Variants in LAMA5 observed in about 807,000 individuals in gnomAD.
LAMA5 encodes the protein laminin subunit alpha-5.
In LAMA5, 260 loss-of-function variants were observed where a neutral mutation model predicts 433.4. The observed-to-expected ratio is 0.60, with a 90% confidence interval of 0.54 to 0.66. LAMA5 has a LOEUF of 0.66. Among genes scored for constraint, LAMA5 ranks in the 30% least tolerant of loss-of-function variants. The probability of loss-of-function intolerance (pLI) is 0.00; values close to 1 mark genes in which losing one functional copy is unlikely to be tolerated. For missense variants in LAMA5, 5,378 were observed against 5,258.5 expected (o/e 1.02, Z -0.70); for synonymous variants, 2,620 against 2,226.6 (o/e 1.18, Z -4.97).
rs1986627903 is a variant in LAMA5, at chr20:62,313,975, G to C, written c.8505-173C>G. 3.2e-4 allele frequency among the ~76,000 whole-genome samples: 2 copies of C among 6,214 alleles called. 1 individual carries two copies. Among genetic ancestry groups the C allele is most frequent in the Non-Finnish European group, 1.4e-3 (2 of 1,382 alleles). 4.1% of individuals were successfully genotyped at this position (6,214 alleles called of 152,430 possible). On this transcript the variant is annotated intron_variant, in intron 62 of 79. Transcript: ENST00000252999. ...GAGAGACGGGTGGCGAGTGGGCACA[G>C]AGACGGGTGGCGAGTGGGCACAGAG...
At chr20:62,332,800 A>AC (rs1159213842) in intron 26 of LAMA5, 83 bp from the exon 27 acceptor site, 2 of 1,501,390 alleles carry the variant, frequency 1.3e-6, no homozygotes, top group Non-Finnish European at 1.8e-6. Context: ...CGCCTCCCTG[A>AC]CCCCAGGGCC....
At chr20:62,327,157 C>CA in intron 38 of LAMA5, 76 bp downstream of exon 38, 2 of 1,376,218 alleles carry the variant, frequency 1.5e-6, no homozygotes, top group Non-Finnish European at 1.9e-6. Context: ...GGACAGACCC[C>CA]GCTCCTGGCT....
Position 62,320,613 on chromosome 20 carries a change from C to A in LAMA5, c.6705G>T (p.Val2235=). The part of the protein sequence containing the change: ...PRHETAQQLE[V]LEQQSTSLGQ... ...CGAGGCTTGTGCTCTGCTGCTCCAGCACCTCCAGCTGCTGTGCCGTCTCAT... is the reference window on the plus strand; with the variant it reads ...CGAGGCTTGTGCTCTGCTGCTCCAGAACCTCCAGCTGCTGTGCCGTCTCAT... Residue 2235 remains valine (V), a synonymous_variant, in exon 50 of 80, where the codon GTG becomes GTT. Coordinates refer to ENST00000252999, the MANE Select transcript of LAMA5 (RefSeq NM_005560.6). 1 of 1,608,454 alleles carries A rather than the reference C, an allele frequency of 6.2e-7. No homozygotes were observed. Among genetic ancestry groups the A allele is most frequent in the Non-Finnish European group, 8.5e-7 (1 of 1,179,046 alleles).
rs768055114 is a variant in LAMA5, at chr20:62,312,877, C to T, written c.9078+11G>A. On this transcript the variant is annotated intron_variant, in intron 66 of 79. Transcript: ENST00000252999. Reference sequence around the variant, plus strand: ...CTCTCCCTGCCACCCTGGTCCCCACCCTGGCCCTACCGCCTTGCTGGCCGA... The same window carrying T: ...CTCTCCCTGCCACCCTGGTCCCCACTCTGGCCCTACCGCCTTGCTGGCCGA... 6.3e-7 allele frequency: 1 copy of T among 1,593,630 alleles called. No homozygotes were observed. Among genetic ancestry groups the T allele is most frequent in the Non-Finnish European group, 8.6e-7 (1 of 1,169,120 alleles).
In LAMA5 at chr20:62,325,345, G is replaced by C. The variant is rs200148340; in HGVS notation, c.5500C>G (p.Pro1834Ala). ...CATGAGTCCCCCCGGTAGCTGGCGG[G>C]GCACAGGCACAGCTCCACATTGCTG... ...LASNVELCLC[P>A]ASYRGDSCQE... Residue 1834 changes from proline (P) to alanine (A), a missense_variant, in exon 41 of 80, where the codon CCC (proline) becomes GCC (alanine). By Grantham distance (27) the Pro-to-Ala change is conservative (BLOSUM62 -1). Coordinates refer to ENST00000252999, the MANE Select transcript of LAMA5 (RefSeq NM_005560.6). 3.8e-6 allele frequency: 6 copies of C among 1,597,282 alleles called. No individual in the cohort carries two copies. In the South Asian group the frequency reaches 6.7e-5, roughly 18 times the overall value.
Position 62,335,202 on chromosome 20 carries a change from G to C in LAMA5, c.2376+15C>G, listed in dbSNP as rs764275291. On this transcript the variant is annotated intron_variant, in intron 19 of 79. Transcript: ENST00000252999. Reference sequence around the variant, plus strand: ...TGTGCCCCCAAATCCCCCACACCTTGGTCCTCAGACTCACCGGCTGGCACT... The same window carrying C: ...TGTGCCCCCAAATCCCCCACACCTTCGTCCTCAGACTCACCGGCTGGCACT... 6.2e-7 allele frequency: 1 copy of C among 1,612,718 alleles called. No homozygotes were observed. The highest frequency in any genetic ancestry group is 1.1e-5 in the South Asian group (1 of 91,054).
In LAMA5 at chr20:62,310,665, CG is replaced by C; in HGVS notation, c.10445del (p.Pro3482ArgfsTer2). The C allele has an allele frequency of 1.2e-6, 2 of 1,602,384 alleles. No individual in the cohort carries two copies. The highest frequency in any genetic ancestry group is 1.7e-6 in the Non-Finnish European group (2 of 1,178,186). ...LPASSHSSKL[P>X]VTVGFSGCVK... Reference sequence around the variant, plus strand: ...GGGGCTGGGGCAAGATGGTTCTCACCGGAAGTTTGGAGCTGTGGCTGCTGGC... The same window carrying C: ...GGGGCTGGGGCAAGATGGTTCTCACCGAAGTTTGGAGCTGTGGCTGCTGGC... On this transcript the variant is annotated frameshift_variant and splice_region_variant, in exon 75 of 80. Coordinates refer to ENST00000252999, the MANE Select transcript of LAMA5 (RefSeq NM_005560.6). LOFTEE classifies it high-confidence loss of function.
chr20:62,318,323 G>GA, intron 53 of LAMA5, 131 bp downstream of exon 53: 3 of 459,242 alleles, frequency 6.5e-6, no homozygotes, highest in Non-Finnish European at 7.6e-6. Flanking sequence ...GAGGAGGGGG[G>GA]GAGGACGAGG....
At chr20:62,319,338 G>A (rs1987402538) in intron 51 of LAMA5, among the ~76,000 whole-genome samples, 1 of 152,064 alleles carries the variant, frequency 6.6e-6, no homozygotes, top group Non-Finnish European at 1.5e-5. Context: ...CCGACCCCCA[G>A]GCTGGGCTGG....
intron 1 of LAMA5, 138 bp downstream of exon 1, chr20:62,366,808 CCTT>C: frequency 8.7e-7 from 1 of 1,150,964 alleles, no homozygotes; most frequent in Non-Finnish European, 1.1e-6. Context: ...GGTCGGGGTG[CCTT>C]CTTGGGCCCC....
Position 62,330,932 on chromosome 20 carries a change from C to A in LAMA5, c.3663G>T (p.Leu1221=). The change falls in exon 30 of 80, where the codon CTG becomes CTT. Residue 1221 remains leucine, a synonymous_variant. Coordinates refer to ENST00000252999, the MANE Select transcript of LAMA5 (RefSeq NM_005560.6). ...GAFGPNSAAC[L]PSRFPKPPQP... The stretch of plus-strand genomic sequence containing the variant: ...GGGGCGGCTTTGGGAAGCGCGAGGG[C>A]AGACAGGCGGCACTGGTGAGAGCAC... 1 of 1,551,732 alleles carries A rather than the reference C, an allele frequency of 6.4e-7. No individual in the cohort carries two copies. Among genetic ancestry groups the A allele is most frequent in the Non-Finnish European group, 8.7e-7 (1 of 1,147,846 alleles).
chr20:62,327,243 A>G lies in LAMA5; in HGVS notation c.5102T>C (p.Leu1701Pro). 1 of 1,514,632 alleles carries G rather than the reference A, an allele frequency of 6.6e-7. No homozygotes were observed. Among genetic ancestry groups the G allele is most frequent in the Non-Finnish European group, 8.8e-7 (1 of 1,134,492 alleles). 93.8% of individuals were successfully genotyped at this position (1,514,632 alleles called of 1,614,324 possible). Residue 1701 changes from leucine to proline, a missense_variant, in exon 38 of 80, where the codon CTG becomes CCG. Transcript: ENST00000252999. ...ELYWQAPPSYLGDRVSSYGGT... is the reference protein window; with the variant it reads ...ELYWQAPPSYPGDRVSSYGGT... ...TGATGCCCTGCTTACCCGGTCCCCC[A>G]GGTAGGAGGGTGGGGCCTGCCAGTA... is the stretch of plus-strand genomic sequence containing the variant.
rs773212052 is a variant in LAMA5 at position 62,314,420 on chromosome 20, A to C, written c.8388T>G (p.Gly2796=). ...GCACCTTCTTGTCACGCAGAGACAC[A>C]CCCATGTAGTCCCCAGTGGCCTGCG... The part of the protein sequence containing the change: ...GSRQATGDYM[G]VSLRDKKVHW... The change falls in exon 62 of 80, where the codon GGT becomes GGG. Residue 2796 remains glycine, a synonymous_variant. Transcript: ENST00000252999. 7.4e-6 allele frequency: 12 copies of C among 1,613,386 alleles called. No homozygotes were observed. The highest frequency in any genetic ancestry group is 1.7e-5 in the Admixed American group (1 of 60,014).
At position 62,333,469 on chromosome 20, in the gene LAMA5, G is replaced by A; in HGVS notation, c.3034C>T (p.Leu1012=). 1.2e-6 allele frequency: 2 copies of A among 1,612,340 alleles called. No homozygotes were observed. The highest frequency in any genetic ancestry group is 1.7e-6 in the Non-Finnish European group (2 of 1,179,746). ...GCCTCGTAGTATGCGCTAGGCAGCA[G>A]AACCACGTAGTCCTGCAGGGTGGAG... is the stretch of plus-strand genomic sequence containing the variant. ...AEGVLLDYVV[L]LPSAYYEAAL... is the part of the protein sequence containing the mutation. The change falls in exon 25 of 80, where the codon CTG becomes TTG. Residue 1012 remains leucine, a synonymous_variant. Coordinates refer to ENST00000252999, the MANE Select transcript of LAMA5 (RefSeq NM_005560.6).
chr20:62,318,347 A>AGGGAG (rs1987267257), intron 53 of LAMA5, 107 bp downstream of exon 53: 4 of 356,892 alleles, frequency 1.1e-5, no homozygotes, highest in Non-Finnish European at 1.5e-5. Context: ...GGGAGGACGG[A>AGGGAG]GGGAGGGGAG....
chr20:62,324,205 C>T lies in LAMA5; in HGVS notation c.5644-1G>A. 1 of 1,578,426 alleles carries T rather than the reference C, an allele frequency of 6.3e-7. No homozygotes were observed. The highest frequency in any genetic ancestry group is 8.5e-7 in the Non-Finnish European group (1 of 1,171,410). On this transcript the variant is annotated splice_acceptor_variant, in intron 42 of 79. Transcript: ENST00000252999. LOFTEE classifies it high-confidence loss of function. This position sits in a 1 kb window ranked among gnomAD's most constrained non-coding sequence, Gnocchi z 4.4. ...CCCCTTCGGTGTTGTGCTGGCAGTC[C>T]TGGGGCAGAGTGGACAGTCAGAGCT...
intron 48 of LAMA5, among the ~76,000 whole-genome samples, chr20:62,321,141 G>GCACA: frequency 4.1e-5 from 6 of 146,762 alleles, no homozygotes; most frequent in African/African-American, 1.5e-4. Flanking sequence ...GTTGGGGCCG[G>GCACA]AGGTGGGGCC....
At position 62,325,513 on chromosome 20, in the gene LAMA5, C is replaced by T. The variant is rs1348023532; in HGVS notation, c.5332G>A (p.Val1778Met). 1.2e-6 allele frequency: 2 copies of T among 1,611,530 alleles called. No individual in the cohort carries two copies. The highest frequency in any genetic ancestry group is 1.7e-6 in the Non-Finnish European group (2 of 1,179,252). Residue 1778 changes from valine (V) to methionine (M), a missense_variant, in exon 41 of 80, where the codon GTG becomes ATG. Transcript: ENST00000252999. ...ACCATCATGAGCTCCTCGCGGGACACAGTGTTGCGCGTCTCCGTATGCCGG... is the reference window on the plus strand; with the variant it reads ...ACCATCATGAGCTCCTCGCGGGACATAGTGTTGCGCGTCTCCGTATGCCGG... ...NFRHTETRNT[V>M]SREELMMVLA... is the part of the protein sequence containing the mutation.
chr20:62,338,076 A>G lies in LAMA5; in HGVS notation c.1831T>C (p.Phe611Leu). Reference protein sequence around the residue: ...EAGRCLCQPEFAGPHCDRCRP... With the variant: ...EAGRCLCQPELAGPHCDRCRP... ...CACCGGTCACAATGAGGTCCAGCAA[A>G]CTCAGGCTGGCATAGGCAGCGGCCG... Residue 611 changes from phenylalanine (F) to leucine (L), a missense_variant, in exon 14 of 80, where the codon TTT becomes CTT. By Grantham distance (22) the Phe-to-Leu change is conservative. Coordinates refer to ENST00000252999, the MANE Select transcript of LAMA5 (RefSeq NM_005560.6). 1 of 1,605,336 alleles carries G rather than the reference A, an allele frequency of 6.2e-7. No homozygotes were observed. Among genetic ancestry groups the G allele is most frequent in the Non-Finnish European group, 8.5e-7 (1 of 1,175,588 alleles).
Sources: gnomAD v4.1 joint callset for allele counts (sites outside exome capture counted in the v4.1 genomes callset) on GRCh38, gnomAD v4.1.1 for gene constraint, Gnocchi (gnomAD v3.1) non-coding constraint, MANE v1.5 for transcripts, NCBI Gene and HGNC (gene_info 2026-07-23, HGNC 2026-07-21) for gene names.